MAP4K3: variants seen among roughly 807,000 people sequenced by gnomAD.
The protein encoded by MAP4K3 is mitogen-activated protein kinase kinase kinase kinase 3, also known as MAPK/ERK kinase kinase kinase 3.
MAP4K3 carries 94 observed loss-of-function variants against 143.5 expected under a neutral mutation model. The observed-to-expected ratio is 0.65, with a 90% CI of 0.55 to 0.78. The LOEUF is 0.78. MAP4K3 is among the 30% of genes least tolerant of loss of function. MAP4K3 has a pLI of 0.00. For synonymous variants in MAP4K3, 416 were observed against 347.2 expected (o/e 1.20, Z -2.20); for missense variants, 1,077 against 1,068.1 (o/e 1.01, Z -0.12).
At chr2:39,252,190 T>G (rs565469824) in intron 32 of MAP4K3, among the ~76,000 whole-genome samples, 15 of 152,376 alleles carry the variant, frequency 9.8e-5, no homozygotes, top group African/African-American at 3.6e-4. Context: ...GAAACTTTCA[T>G]CATTTATGTT....
intron 26 of MAP4K3, among the ~76,000 whole-genome samples, chr2:39,267,663 A>G (rs2148448874): frequency 7.3e-6 from 1 of 136,446 alleles, no homozygotes; most frequent in African/African-American, 2.8e-5. Flanking sequence ...ACAACAGAAG[A>G]GCAAAACTCG....
Position 39,250,538 on chromosome 2 carries a change from T to G in MAP4K3, c.*80A>C. On this transcript the variant is annotated 3_prime_UTR_variant, in exon 34 of 34. Coordinates refer to ENST00000263881, the MANE Select transcript of MAP4K3 (RefSeq NM_003618.4). ...ACTGAAGACAGGTTACTGCAGCTTT[T>G]GTACAGCTTCAAGCATCCATTAATG... The G allele has an allele frequency of 8.3e-6, 11 of 1,326,312 alleles. No homozygotes were observed. Among genetic ancestry groups the G allele is most frequent in the Middle Eastern group, 1.8e-4 (1 of 5,450 alleles). The allele number at this position is 1,326,312 out of a possible 1,614,324, so 82.2% of individuals were successfully genotyped here. A position where few individuals can be genotyped will look rare whatever the true frequency, so the allele number is the denominator to read the frequency against.
intron 4 of MAP4K3, 138 bp from the exon 5 acceptor site, chr2:39,337,719 T>C (rs1452145637): frequency 4.3e-6 from 2 of 467,754 alleles, no homozygotes; most frequent in East Asian, 7.4e-5. Context: ...ACTACAGGCA[T>C]GAATTACTAC....
intron 26 of MAP4K3, among the ~76,000 whole-genome samples, chr2:39,271,740 A>G (rs970546834): frequency 2.0e-5 from 3 of 152,112 alleles, no homozygotes; most frequent in African/African-American, 7.2e-5. Context: ...CACAGGCTCG[A>G]GCCACCATGC....
At chr2:39,271,286 G>A (rs537583981) in intron 26 of MAP4K3, among the ~76,000 whole-genome samples, 4 of 152,250 alleles carry the variant, frequency 2.6e-5, no homozygotes, top group Admixed American at 2.6e-4. Context: ...CACATTTGGT[G>A]TATTCAGTAA....
At chr2:39,331,152 T>A (rs1192660645) in intron 8 of MAP4K3, among the ~76,000 whole-genome samples, 3 of 152,162 alleles carry the variant, frequency 2.0e-5, no homozygotes, top group Non-Finnish European at 4.4e-5. Context: ...ATGAGTCAGA[T>A]GAAGAGGGCA....
chr2:39,432,245 G>A (rs574316819), intron 1 of MAP4K3, among the ~76,000 whole-genome samples: 1 of 152,088 alleles, frequency 6.6e-6, no homozygotes, highest in Non-Finnish European at 1.5e-5. Flanking sequence ...CATTAGATAC[G>A]TTTCACCAAT....
At chr2:39,404,219 G>GTCTT (rs1667030536) in intron 1 of MAP4K3, among the ~76,000 whole-genome samples, 1 of 152,058 alleles carries the variant, frequency 6.6e-6, no homozygotes, top group East Asian at 1.9e-4. Context: ...AGGGGACTTG[G>GTCTT]TCTTTCACCT....
chr2:39,335,809 G>A (rs561376301), intron 6 of MAP4K3, among the ~76,000 whole-genome samples: 11 of 152,156 alleles, frequency 7.2e-5, no homozygotes, highest in Non-Finnish European at 1.0e-4. Context: ...GGTTATCTGC[G>A]AGTCCATTGA....
intron 13 of MAP4K3, among the ~76,000 whole-genome samples, chr2:39,312,901 C>T (rs1045981753): frequency 6.6e-6 from 1 of 152,196 alleles, no homozygotes; most frequent in Admixed American, 6.5e-5. Flanking sequence ...GTTATTGCCA[C>T]CTGTGAACAT....
intron 12 of MAP4K3, among the ~76,000 whole-genome samples, chr2:39,320,860 A>T (rs1164437113): frequency 6.6e-6 from 1 of 152,132 alleles, no homozygotes; most frequent in East Asian, 1.9e-4. Context: ...TCTTAGATCT[A>T]TCTTTGTGGA....
rs1300928570 is a variant in MAP4K3 at position 39,336,932 on chromosome 2, G to T, written c.402C>A (p.His134Gln). 2 of 1,296,044 alleles carry T rather than the reference G, an allele frequency of 1.5e-6. No homozygotes were observed. Among genetic ancestry groups the T allele is most frequent in the South Asian group, 1.3e-5 (1 of 74,252 alleles). The allele number at this position is 1,296,044 out of a possible 1,614,324, so 80.3% of individuals were successfully genotyped here. A position where few individuals can be genotyped will look rare whatever the true frequency, so the allele number is the denominator to read the frequency against. ...LYYLHSKGKM[H>Q]RDIKGANILL... Reference sequence around the variant, plus strand: ...ATATAATGTATACCTTTATATCTCTGTGCATTTTTCCTTTACTGTGAAGAT... The same window carrying T: ...ATATAATGTATACCTTTATATCTCTTTGCATTTTTCCTTTACTGTGAAGAT... The change falls in exon 6 of 34, where the codon CAC becomes CAA. Residue 134 changes from histidine (H) to glutamine (Q), a missense_variant. Around this residue, in one of 2 missense-constraint regions of MAP4K3, gnomAD observed 213 missense variants for 266.8 expected, o/e 0.80. Transcript: ENST00000263881.
chr2:39,286,356 T>C lies in MAP4K3; in HGVS notation c.1587+496A>G, dbSNP rs1191927903. Among the ~76,000 whole-genome samples the C allele has an allele frequency of 3.3e-5, 5 of 152,158 alleles. No individual in the cohort carries two copies. The East Asian group carries it at 9.6e-4, about 29-fold the overall frequency. Reference sequence around the variant, plus strand: ...GCTCACCTCCTGCTGTGTGGCCTGGTTCCTAACAGGCCACTGACCATTACT... The same window carrying C: ...GCTCACCTCCTGCTGTGTGGCCTGGCTCCTAACAGGCCACTGACCATTACT... On this transcript the variant is annotated intron_variant, in intron 21 of 33. Transcript: ENST00000263881.
chr2:39,400,915 T>G (rs1220240830), intron 1 of MAP4K3, among the ~76,000 whole-genome samples: 1 of 152,058 alleles, frequency 6.6e-6, no homozygotes, highest in African/African-American at 2.4e-5. Context: ...ACATGAAATA[T>G]CGGTTAGTTC....
Position 39,326,255 on chromosome 2 carries a change from C to T in MAP4K3, c.553G>A (p.Val185Ile), listed in dbSNP as rs773659964. ...PYWMAPEVAA[V>I]ERKGGYNQLC... ...TGATTGTAACCCCCCTTCCTCTCAA[C>T]AGCTGCAACTTCTGGAGCCATCCTG... The change falls in exon 9 of 34, where the codon GTT becomes ATT. Residue 185 changes from valine (V) to isoleucine (I), a missense_variant. Val to Ile is a conservative substitution (Grantham distance 29, BLOSUM62 3). Transcript: ENST00000263881. 1.9e-6 allele frequency: 3 copies of T among 1,613,794 alleles called. No individual in the cohort carries two copies. Among genetic ancestry groups the T allele is most frequent in the South Asian group, 1.1e-5 (1 of 91,060 alleles).
intron 26 of MAP4K3, among the ~76,000 whole-genome samples, chr2:39,268,457 A>C (rs1441086887): frequency 6.6e-6 from 1 of 151,254 alleles, no homozygotes; most frequent in African/African-American, 2.4e-5. Context: ...AATAGCTGGG[A>C]CTACAGGTGC....
chr2:39,283,815 A>C (rs1681646732), intron 21 of MAP4K3: 1 of 152,190 alleles, frequency 6.6e-6, no homozygotes, highest in African/African-American at 2.4e-5. Flanking sequence ...GAACTTTGTG[A>C]CAGTCTACAT....
In MAP4K3 at chr2:39,424,932, C is replaced by T. The variant is rs78921998; in HGVS notation, c.96+11960G>A. On this transcript the variant is annotated intron_variant, in intron 1 of 33. Transcript: ENST00000263881. ...AAAACAGTCCTCCAAGAATTCAAAT[C>T]CAAGAGTCATTGCTCTTTTGATTTG... Among the ~76,000 whole-genome samples, 1,035 of 151,372 alleles carry T rather than the reference C, an allele frequency of 6.8e-3. 10 individuals are homozygous for T. The highest frequency in any genetic ancestry group is 0.024 in the African/African-American group (998 of 41,138).
rs569914097 is a variant in MAP4K3, at chr2:39,249,620, A to C, written c.*998T>G. On this transcript the variant is annotated 3_prime_UTR_variant, in exon 34 of 34. Transcript: ENST00000263881. ...CTAAGTCAAAAGAAATATGAAAAGG[A>C]TCATAAAATAAGGCCAACAAAAGTA... is the stretch of plus-strand genomic sequence containing the variant. 1.1e-4 allele frequency: 17 copies of C among 152,760 alleles called. No homozygotes were observed. Among genetic ancestry groups the C allele is most frequent in the African/African-American group, 4.1e-4 (17 of 41,586 alleles). The allele number at this position is 152,760 out of a possible 1,614,324, so 9.5% of individuals were successfully genotyped here.
Sources: gnomAD v4.1 joint callset for allele counts (sites outside exome capture counted in the v4.1 genomes callset) on GRCh38, gnomAD v4.1.1 for gene constraint, gnomAD v4.1.1 regional missense constraint, MANE v1.5 for transcripts, NCBI Gene and HGNC (gene_info 2026-07-23, HGNC 2026-07-21) for gene names.